Variants in CHSY3 observed in about 807,000 individuals in gnomAD.
The protein encoded by CHSY3 is chondroitin sulfate synthase 3.
Under a neutral mutation model 67.2 loss-of-function variants are expected in CHSY3, and 35 were observed. That is an observed-to-expected ratio of 0.52 (90% CI 0.40 to 0.69). The LOEUF (loss-of-function observed/expected upper bound fraction) is 0.69, where lower values mean the gene tolerates loss of function less well. Ranked by LOEUF, CHSY3 falls within the 30% of genes least tolerant of loss-of-function variation. CHSY3 has a pLI of 0.00. For synonymous variants in CHSY3, 474 were observed against 434.7 expected, an observed-to-expected ratio of 1.09 and a Z score of -1.12; for missense variants, 1,069 against 1,138.5, an observed-to-expected ratio of 0.94 and a Z score of 0.88.
At position 130,013,200 on chromosome 5, in the gene CHSY3, G is replaced by A. The variant is rs528730622; in HGVS notation, c.1086+104840G>A. On this transcript the variant is annotated intron_variant, in intron 2 of 2. Coordinates refer to ENST00000305031, the MANE Select transcript of CHSY3 (RefSeq NM_175856.5). ...ACCTCCACCTTTGTGGCTTTGCAGGGTACAGCCCCCCTCCTGGCTGCTTTC... is the reference window on the plus strand; with the variant it reads ...ACCTCCACCTTTGTGGCTTTGCAGGATACAGCCCCCCTCCTGGCTGCTTTC... Among the ~76,000 whole-genome samples, 39 of 152,290 alleles carry A rather than the reference G, an allele frequency of 2.6e-4. No individual in the cohort carries two copies. In the South Asian group the frequency reaches 5.0e-3, roughly 19 times the overall value.
intron 2 of CHSY3, among the ~76,000 whole-genome samples, chr5:130,059,675 G>A (rs575515193): frequency 4.4e-4 from 67 of 152,182 alleles, no homozygotes; most frequent in African/African-American, 1.6e-3. Context: ...TCTTTGGGGT[G>A]GGTGGACATG....
chr5:130,095,410 C>G (rs1342139013), intron 2 of CHSY3, among the ~76,000 whole-genome samples: 2 of 152,126 alleles, frequency 1.3e-5, no homozygotes, highest in African/African-American at 2.4e-5. Flanking sequence ...CATAAGGGAA[C>G]CGGGGACGAA....
At chr5:130,114,406 T>C (rs1767710010) in intron 2 of CHSY3, 1 of 152,162 alleles carries the variant, frequency 6.6e-6, no homozygotes, top group African/African-American at 2.4e-5. Flanking sequence ...GGAAAAAGTC[T>C]ACGGCCATAC....
chr5:129,980,037 A>G (rs1452119461), intron 2 of CHSY3, among the ~76,000 whole-genome samples: 2 of 152,230 alleles, frequency 1.3e-5, no homozygotes, highest in African/African-American at 4.8e-5. Context: ...GGCAATTATG[A>G]ATAAAGCTGC....
At chr5:129,980,890 T>C (rs1407205342) in intron 2 of CHSY3, among the ~76,000 whole-genome samples, 2 of 152,058 alleles carry the variant, frequency 1.3e-5, no homozygotes, top group African/African-American at 4.8e-5. Context: ...CCATGTTTGC[T>C]ATATTGTACT....
intron 2 of CHSY3, among the ~76,000 whole-genome samples, chr5:130,044,968 A>G (rs1339592312): frequency 6.6e-6 from 1 of 152,098 alleles, no homozygotes; most frequent in Non-Finnish European, 1.5e-5. Flanking sequence ...CTTGGATGGC[A>G]TAAGTAGTTT....
chr5:130,012,402 C>T (rs1372860626), intron 2 of CHSY3, among the ~76,000 whole-genome samples: 1 of 152,186 alleles, frequency 6.6e-6, no homozygotes, highest in African/African-American at 2.4e-5. Flanking sequence ...TTGCTGATGA[C>T]TGGAAATGTA....
chr5:130,024,137 C>CAAAA (rs5871376), intron 2 of CHSY3, among the ~76,000 whole-genome samples: 4,627 of 109,576 alleles, frequency 0.042, 179 homozygotes, highest in African/African-American at 0.057. Flanking sequence ...GATTGATGGT[C>CAAAA]AAAAAAAAAA....
chr5:129,948,983 G>A (rs1198287269), intron 2 of CHSY3, among the ~76,000 whole-genome samples: 1 of 152,160 alleles, frequency 6.6e-6, no homozygotes, highest in East Asian at 1.9e-4. Context: ...CCCGGAGATT[G>A]CAAAGGTTTT....
intron 2 of CHSY3, among the ~76,000 whole-genome samples, chr5:129,985,463 T>C (rs10079258): frequency 0.94 from 143,403 of 152,086 alleles, 67,712 homozygotes; most frequent in East Asian, 1. Context: ...AGTGTGATGC[T>C]TCAGGCTTTG....
intron 2 of CHSY3, among the ~76,000 whole-genome samples, chr5:130,049,144 G>T (rs1765249186): frequency 6.6e-6 from 1 of 151,964 alleles, no homozygotes. Context: ...TAAGTCATGA[G>T]TTATATTAAT....
chr5:129,978,758 A>G (rs1201810956), intron 2 of CHSY3, among the ~76,000 whole-genome samples: 2 of 152,162 alleles, frequency 1.3e-5, no homozygotes, highest in African/African-American at 2.4e-5. Flanking sequence ...ATCTAAATAT[A>G]TAAAAGTATT....
intron 2 of CHSY3, among the ~76,000 whole-genome samples, chr5:130,018,725 G>T (rs79636823): frequency 6.6e-6 from 1 of 152,130 alleles, no homozygotes; most frequent in South Asian, 2.1e-4. Flanking sequence ...CAAATCTTAC[G>T]TTGAAATTTG....
At chr5:130,074,330 CA>C (rs2149683265) in intron 2 of CHSY3, among the ~76,000 whole-genome samples, 1 of 152,230 alleles carries the variant, frequency 6.6e-6, no homozygotes, top group Non-Finnish European at 1.5e-5. Context: ...CTCAGCCTCC[CA>C]ATGTGCTGGG....
At chr5:130,178,551 C>T (rs932660290) in intron 2 of CHSY3, among the ~76,000 whole-genome samples, 3 of 151,962 alleles carry the variant, frequency 2.0e-5, no homozygotes, top group African/African-American at 4.8e-5. Context: ...AGCACCCGGC[C>T]GTGGTCTGGT....
intron 2 of CHSY3, among the ~76,000 whole-genome samples, chr5:129,964,977 T>G (rs953400273): frequency 2.0e-5 from 3 of 151,920 alleles, no homozygotes; most frequent in African/African-American, 7.2e-5. Flanking sequence ...AGTACATAGG[T>G]TGAATCATGT....
intron 2 of CHSY3, among the ~76,000 whole-genome samples, chr5:130,139,459 T>A (rs961520963): frequency 5.9e-5 from 9 of 152,220 alleles, no homozygotes; most frequent in Non-Finnish European, 1.3e-4. Flanking sequence ...GTATGATAAC[T>A]TTACATCTTT....
intron 2 of CHSY3, among the ~76,000 whole-genome samples, chr5:130,163,862 A>G (rs1210843119): frequency 6.6e-6 from 1 of 152,212 alleles, no homozygotes; most frequent in Non-Finnish European, 1.5e-5. Context: ...CTTGCAAAGA[A>G]GAGTCAGGGT....
rs1768600631 is a variant in CHSY3, at chr5:130,134,679, AT to A, written c.1087-49544del. On this transcript the variant is annotated intron_variant, in intron 2 of 2. Coordinates refer to ENST00000305031, the MANE Select transcript of CHSY3 (RefSeq NM_175856.5). ...TAAGATTTTGAGATAGAAGGTTTCA[AT>A]TTTTTAATGTAGTTTTGTTTTGTGT... 2.0e-5 allele frequency among the ~76,000 whole-genome samples: 3 copies of A among 152,254 alleles called. 1 individual carries two copies. Among genetic ancestry groups the A allele is most frequent in the Non-Finnish European group, 4.4e-5 (3 of 68,000 alleles).
Sources: allele counts gnomAD v4.1 joint callset (sites outside exome capture counted in the v4.1 genomes callset), GRCh38; gene constraint gnomAD v4.1.1; transcripts MANE v1.5; gene names NCBI Gene and HGNC (gene_info 2026-07-23, HGNC 2026-07-21).